RRBP1: variants seen among roughly 807,000 people sequenced by gnomAD.
RRBP1 encodes the protein ribosome binding protein 1.
In RRBP1, 94 loss-of-function variants were observed where a neutral mutation model predicts 165.2. That is an observed-to-expected ratio of 0.57 (90% CI 0.48 to 0.68). The LOEUF is 0.68. Among genes scored for constraint, RRBP1 ranks in the 30% least tolerant of loss-of-function variants. The pLI is 0.00. For missense variants in RRBP1, 1,676 were observed against 1,763.0 expected (o/e 0.95, Z 0.88); for synonymous variants, 680 against 714.5 (o/e 0.95, Z 0.77).
intron 2 of RRBP1, among the ~76,000 whole-genome samples, chr20:17,663,077 T>C (rs2036796900): frequency 1.3e-5 from 2 of 152,166 alleles, no homozygotes; most frequent in Admixed American, 1.3e-4. Context: ...ATTAGGGGCC[T>C]GGGTCACCCT....
intron 11 of RRBP1, among the ~76,000 whole-genome samples, chr20:17,626,891 ACGCTGCCAGCTCTGCCC>A (rs1391019127): frequency 1.3e-5 from 2 of 152,224 alleles, no homozygotes; most frequent in African/African-American, 4.8e-5. Context: ...CAACGCTGAG[ACGCTGCCAGCTCTGCCC>A]CGACGCCTCA....
At chr20:17,626,729 G>A (rs1375437611) in intron 11 of RRBP1, among the ~76,000 whole-genome samples, 4 of 150,748 alleles carry the variant, frequency 2.7e-5, no homozygotes, top group South Asian at 2.1e-4. Context: ...CAAGGACTCC[G>A]GCCCCTGACT....
Position 17,659,928 on chromosome 20 carries a change from T to C in RRBP1, c.580A>G (p.Thr194Ala). Residue 194 changes from threonine to alanine, a missense_variant, in exon 3 of 25, where the codon ACT (threonine) becomes GCT (alanine). This residue lies in a region of RRBP1 where 392 missense variants were observed against 382.5 expected (regional missense o/e 1.02). Transcript: ENST00000377813. ...GCCTTTTTGCCCTGAGTAGTGCCAGTGGCTGGTGTGTTGCCCTTGGCACCC... is the reference window on the plus strand; with the variant it reads ...GCCTTTTTGCCCTGAGTAGTGCCAGCGGCTGGTGTGTTGCCCTTGGCACCC... ...PVGAKGNTPA[T>A]GTTQGKKAEG... The C allele has an allele frequency of 6.4e-7, 1 of 1,574,372 alleles. No homozygotes were observed. Among genetic ancestry groups the C allele is most frequent in the Non-Finnish European group, 8.6e-7 (1 of 1,158,730 alleles).
chr20:17,614,115 T>C lies in RRBP1; in HGVS notation c.*67A>G. The C allele has an allele frequency of 2.0e-6, 3 of 1,531,252 alleles. No individual in the cohort carries two copies. Among genetic ancestry groups the C allele is most frequent in the Non-Finnish European group, 9.1e-7 (1 of 1,104,906 alleles). The allele number at this position is 1,531,252 out of a possible 1,614,324, so 94.9% of individuals were successfully genotyped here. On this transcript the variant is annotated 3_prime_UTR_variant, in exon 25 of 25. Coordinates refer to ENST00000377813, the MANE Select transcript of RRBP1 (RefSeq NM_001365613.2). ...ATAACGCTGTGTAGGTTGGTTGGTT[T>C]ATTTGTAAGGAATGTGTAAGGCATT...
chr20:17,640,607 T>C (rs1312418537), intron 5 of RRBP1, among the ~76,000 whole-genome samples: 1 of 152,010 alleles, frequency 6.6e-6, no homozygotes, highest in Non-Finnish European at 1.5e-5. Context: ...CCGTTAACCT[T>C]CTCCTCACCT....
In RRBP1 at chr20:17,629,970, G is replaced by T. The variant is rs373269635; in HGVS notation, c.2611-9C>A. On this transcript the variant is annotated splice_polypyrimidine_tract_variant and intron_variant, in intron 8 of 24. Transcript: ENST00000377813. Reference sequence around the variant, plus strand: ...CTCTCCCTGTGGGACGCCTGGGGACGGGCAGGGGAGTGGGGCAGTGAAGAC... The same window carrying T: ...CTCTCCCTGTGGGACGCCTGGGGACTGGCAGGGGAGTGGGGCAGTGAAGAC... The T allele has an allele frequency of 1.9e-6, 3 of 1,591,952 alleles. No homozygotes were observed. Among genetic ancestry groups the T allele is most frequent in the Non-Finnish European group, 2.6e-6 (3 of 1,174,116 alleles).
At chr20:17,637,611 C>T (rs543360516) in intron 5 of RRBP1, among the ~76,000 whole-genome samples, 246 of 152,330 alleles carry the variant, frequency 1.6e-3, no homozygotes, top group African/African-American at 4.5e-3. Context: ...GGAAGTCCGT[C>T]CCCTCCCCAG....
At chr20:17,673,874 A>G (rs1432298951) in intron 2 of RRBP1, among the ~76,000 whole-genome samples, 1 of 152,162 alleles carries the variant, frequency 6.6e-6, no homozygotes, top group Non-Finnish European at 1.5e-5. Context: ...TTTTTTCATT[A>G]AGAGTCTCAA....
rs780347935 is a variant in RRBP1 at position 17,659,974 on chromosome 20, C to A, written c.534G>T (p.Pro178=). The change falls in exon 3 of 25, where the codon CCG becomes CCT. Residue 178 remains proline, a synonymous_variant. Coordinates refer to ENST00000377813, the MANE Select transcript of RRBP1 (RefSeq NM_001365613.2). ...CACCCACTGGGGGCACCACCACCAT[C>A]GGCACCTCCTTGGGAGCAGTTTCCA... ...AILETAPKEV[P]MVVVPPVGAK... 1 of 1,606,548 alleles carries A rather than the reference C, an allele frequency of 6.2e-7. No homozygotes were observed. Among genetic ancestry groups the A allele is most frequent in the East Asian group, 2.2e-5 (1 of 44,678 alleles).
intron 6 of RRBP1, 41 bp downstream of exon 6, chr20:17,636,536 G>C: frequency 1.2e-6 from 2 of 1,600,038 alleles, no homozygotes; most frequent in Non-Finnish European, 1.7e-6. Flanking sequence ...CCTGGACTGG[G>C]TCCTGTCCCT....
In RRBP1 at chr20:17,620,318, TCTC is replaced by T. The variant is rs2035886842; in HGVS notation, c.3557_3559del (p.Gly1186del). 1.2e-6 allele frequency: 2 copies of T among 1,613,550 alleles called. No individual in the cohort carries two copies. The highest frequency in any genetic ancestry group is 1.7e-6 in the Non-Finnish European group (2 of 1,179,754). ...ACATACCTGGTCCGAACTTTCAAGT[TCTC>T]CTTTTAGCTTCTCTACAATCTCTTC... On this transcript the variant is annotated inframe_deletion, in exon 18 of 25. Transcript: ENST00000377813.
intron 2 of RRBP1, among the ~76,000 whole-genome samples, chr20:17,670,441 TAA>T (rs11469381): frequency 0.36 from 51,450 of 143,472 alleles, 10,386 homozygotes; most frequent in Middle Eastern, 0.53. Flanking sequence ...CAATTACCTT[TAA>T]AAAAAAAAAA....
chr20:17,639,069 C>T (rs572811267), intron 5 of RRBP1, among the ~76,000 whole-genome samples: 2 of 152,350 alleles, frequency 1.3e-5, no homozygotes, highest in South Asian at 2.1e-4. Flanking sequence ...GGGGCCAGTC[C>T]GAGGCATGGC....
chr20:17,665,308 AT>A (rs1238435760), intron 2 of RRBP1, among the ~76,000 whole-genome samples: 5 of 152,160 alleles, frequency 3.3e-5, no homozygotes, highest in Non-Finnish European at 7.4e-5. Context: ...TCTGGGTGCT[AT>A]TTGGTAACAT....
At chr20:17,649,159 T>C (rs1374345732) in intron 3 of RRBP1, among the ~76,000 whole-genome samples, 3 of 152,116 alleles carry the variant, frequency 2.0e-5, no homozygotes, top group Non-Finnish European at 4.4e-5. Context: ...GAATAAAGGG[T>C]CATAAGCCCC....
At position 17,629,549 on chromosome 20, in the gene RRBP1, C is replaced by T. The variant is rs576935287; in HGVS notation, c.2749+274G>A. 1.1e-4 allele frequency among the ~76,000 whole-genome samples: 17 copies of T among 152,156 alleles called. No individual in the cohort carries two copies. In the East Asian group the frequency reaches 3.3e-3, roughly 30 times the overall value. On this transcript the variant is annotated intron_variant, in intron 9 of 24. Coordinates refer to ENST00000377813, the MANE Select transcript of RRBP1 (RefSeq NM_001365613.2). ...CTCCCATGCACCAGGCCCTCACAGG[C>T]CTTGCCCCCCACTTCTAGCCCCTGT...
chr20:17,678,088 T>C (rs1270257866), intron 2 of RRBP1, among the ~76,000 whole-genome samples: 1 of 152,216 alleles, frequency 6.6e-6, no homozygotes, highest in Non-Finnish European at 1.5e-5. Flanking sequence ...AAGACACATG[T>C]TACTGAATGC....
At chr20:17,656,247 G>A (rs562206383) in intron 3 of RRBP1, among the ~76,000 whole-genome samples, 4 of 152,270 alleles carry the variant, frequency 2.6e-5, no homozygotes, top group African/African-American at 9.6e-5. Flanking sequence ...ACCACCTTGC[G>A]GGCGGCATGT....
chr20:17,654,262 T>C (rs1433615772), intron 3 of RRBP1, among the ~76,000 whole-genome samples: 2 of 152,226 alleles, frequency 1.3e-5, no homozygotes, highest in African/African-American at 2.4e-5. Flanking sequence ...GACCCCATGA[T>C]GGAACTGGTG....
Sources: gnomAD v4.1 joint callset for allele counts (sites outside exome capture counted in the v4.1 genomes callset) on GRCh38, gnomAD v4.1.1 for gene constraint, gnomAD v4.1.1 regional missense constraint, MANE v1.5 for transcripts, NCBI Gene and HGNC (gene_info 2026-07-23, HGNC 2026-07-21) for gene names.